The following RBFOX1 variants were observed in gnomAD, a reference collection of about 807,000 sequenced individuals.
RBFOX1 encodes the protein RNA binding fox-1 homolog 1, also known as RNA binding protein fox-1 homolog 1.
Under a neutral mutation model 57.7 loss-of-function variants are expected in RBFOX1, and 8 were observed. That is an observed-to-expected ratio of 0.14 (90% confidence interval 0.08 to 0.25). The LOEUF is 0.25. Among genes scored for constraint, RBFOX1 ranks in the 10% least tolerant of loss-of-function variants. The pLI is 1.00. For missense variants in RBFOX1, 611 were observed against 548.5 expected (o/e 1.11, Z -1.14); for synonymous variants, 326 against 222.4 (o/e 1.47, Z -4.15).
chr16:7,542,272 A>C (rs2083155210), intron 5 of RBFOX1, among the ~76,000 whole-genome samples: 1 of 152,090 alleles, frequency 6.6e-6, no homozygotes, highest in Admixed American at 6.6e-5. Context: ...CAAGCAGCCA[A>C]CCTCCTCTGA....
intron 1 of RBFOX1, among the ~76,000 whole-genome samples, chr16:6,054,428 A>G (rs1351167186): frequency 6.6e-6 from 1 of 152,186 alleles, no homozygotes; most frequent in Non-Finnish European, 1.5e-5. Context: ...TGAATCCCCT[A>G]AGATCTCCAG....
chr16:6,909,400 C>A (rs554265456), intron 3 of RBFOX1, among the ~76,000 whole-genome samples: 1 of 152,188 alleles, frequency 6.6e-6, no homozygotes, highest in South Asian at 2.1e-4. Context: ...TTTCAAGATC[C>A]TTTATTACAT....
intron 4 of RBFOX1, among the ~76,000 whole-genome samples, chr16:5,971,823 G>A (rs546904278): frequency 5.3e-5 from 8 of 152,310 alleles, no homozygotes; most frequent in South Asian, 2.1e-4. Flanking sequence ...TATTCTGCAT[G>A]CTTCTATGAG....
At chr16:7,261,740 G>A (rs2094927475) in intron 4 of RBFOX1, among the ~76,000 whole-genome samples, 1 of 152,178 alleles carries the variant, frequency 6.6e-6, no homozygotes, top group African/African-American at 2.4e-5. Flanking sequence ...GTATCTACCT[G>A]ATAGGATGGT....
At chr16:6,498,170 A>G (rs995609964) in intron 2 of RBFOX1, among the ~76,000 whole-genome samples, 1 of 151,126 alleles carries the variant, frequency 6.6e-6, no homozygotes, top group African/African-American at 2.4e-5. Context: ...GAGAATCACT[A>G]CTACCTGGGA....
At chr16:7,450,038 G>C (rs1015881970) in intron 4 of RBFOX1, among the ~76,000 whole-genome samples, 2 of 152,142 alleles carry the variant, frequency 1.3e-5, no homozygotes, top group African/African-American at 2.4e-5. Flanking sequence ...GCTTTTCTGG[G>C]TGTGGATTTC....
At chr16:6,412,616 C>G (rs1172988021) in intron 2 of RBFOX1, among the ~76,000 whole-genome samples, 1 of 152,232 alleles carries the variant, frequency 6.6e-6, no homozygotes, top group Non-Finnish European at 1.5e-5. Flanking sequence ...AGGCAGCATG[C>G]ACCTGCAATA....
rs554876644 is a variant in RBFOX1 at position 7,638,506 on chromosome 16, G to A, written c.757+7823G>A. On this transcript the variant is annotated intron_variant, in intron 11 of 15. Transcript: ENST00000550418. ...CGGGGAACCTCTCAGCAGCTGTCCA[G>A]CAACTCTATTTGGGCCAAGGCTGTG... Among the ~76,000 whole-genome samples, 3 of 152,280 alleles carry A rather than the reference G, an allele frequency of 2.0e-5. No individual in the cohort carries two copies. In the South Asian group the frequency reaches 6.2e-4, roughly 32 times the overall value.
chr16:7,204,234 C>T (rs12923616), intron 4 of RBFOX1, among the ~76,000 whole-genome samples: 61,797 of 151,958 alleles, frequency 0.41, 13,033 homozygotes, highest in African/African-American at 0.47. Context: ...CATCTCTTGC[C>T]TCTATCTCAG....
At chr16:7,149,291 G>A (rs943565098) in intron 4 of RBFOX1, among the ~76,000 whole-genome samples, 3 of 151,942 alleles carry the variant, frequency 2.0e-5, no homozygotes, top group Non-Finnish European at 4.4e-5. Context: ...TTAAGGAGTT[G>A]GCAGTAGTCA....
At chr16:6,425,714 TAC>T (rs149682530) in intron 2 of RBFOX1, among the ~76,000 whole-genome samples, 1,544 of 151,998 alleles carry the variant, frequency 0.01, 31 homozygotes, top group African/African-American at 0.033. Flanking sequence ...ATCTAATTCA[TAC>T]ACACACACAC....
intron 2 of RBFOX1, among the ~76,000 whole-genome samples, chr16:5,577,314 A>G (rs1168611368): frequency 6.6e-6 from 1 of 152,196 alleles, no homozygotes. Flanking sequence ...TAGTGGGATC[A>G]AGCTCTTCCT....
intron 3 of RBFOX1, among the ~76,000 whole-genome samples, chr16:6,969,134 C>G (rs1268636939): frequency 1.3e-5 from 2 of 152,132 alleles, no homozygotes; most frequent in Non-Finnish European, 2.9e-5. Flanking sequence ...TGAACTTATT[C>G]AGTCCACTTT....
intron 3 of RBFOX1, among the ~76,000 whole-genome samples, chr16:6,881,506 T>C (rs35612149): frequency 0.25 from 38,442 of 152,036 alleles, 5,091 homozygotes; most frequent in African/African-American, 0.32. Flanking sequence ...AGAGCCTGTG[T>C]ATCTTTACAT....
chr16:6,964,602 C>G (rs977593902), intron 3 of RBFOX1, among the ~76,000 whole-genome samples: 1 of 152,076 alleles, frequency 6.6e-6, no homozygotes, highest in Non-Finnish European at 1.5e-5. Flanking sequence ...TTCTGTGAAC[C>G]TAATACTCCT....
chr16:6,902,495 G>C (rs960675743), intron 3 of RBFOX1, among the ~76,000 whole-genome samples: 3 of 152,164 alleles, frequency 2.0e-5, no homozygotes, highest in Non-Finnish European at 4.4e-5. Flanking sequence ...GCAGGGTGGG[G>C]AGAATCACTT....
In RBFOX1 at chr16:6,849,129, C is replaced by G. The variant is rs1030634660; in HGVS notation, c.-16+194479C>G. 5.3e-5 allele frequency among the ~76,000 whole-genome samples: 8 copies of G among 152,256 alleles called. No individual in the cohort carries two copies. The East Asian group carries it at 1.2e-3, about 22-fold the overall frequency. ...TTCTCCTTTGTGATTTATATATAAT[C>G]ATCCCCAGAGAGTGAAACAAAGGAA... On this transcript the variant is annotated intron_variant, in intron 3 of 15. Coordinates refer to ENST00000550418, the MANE Select transcript of RBFOX1 (RefSeq NM_018723.4).
chr16:7,149,472 T>C (rs987621496), intron 4 of RBFOX1, among the ~76,000 whole-genome samples: 1 of 143,596 alleles, frequency 7.0e-6, no homozygotes, highest in Non-Finnish European at 1.5e-5. Flanking sequence ...TCTTTTTCTT[T>C]TCTTTCTTTC....
At chr16:7,067,527 T>C (rs1392465153) in intron 4 of RBFOX1, among the ~76,000 whole-genome samples, 1 of 151,940 alleles carries the variant, frequency 6.6e-6, no homozygotes, top group Non-Finnish European at 1.5e-5. Flanking sequence ...GTTTTCTTTT[T>C]TTGTTTTCTT....
Sources: gnomAD v4.1 joint callset for allele counts (sites outside exome capture counted in the v4.1 genomes callset) on GRCh38, gnomAD v4.1.1 for gene constraint, MANE v1.5 for transcripts, NCBI Gene and HGNC (gene_info 2026-07-23, HGNC 2026-07-21) for gene names.